The following ATRNL1 variants were observed in gnomAD, a reference collection of about 807,000 sequenced individuals.
ATRNL1 encodes attractin-like protein 1.
ATRNL1 carries 95 observed loss-of-function variants against 182.7 expected under a neutral mutation model. That is an observed-to-expected ratio of 0.52 (90% CI 0.44 to 0.62). The LOEUF (loss-of-function observed/expected upper bound fraction) is 0.62, where lower values mean the gene tolerates loss of function less well. ATRNL1 is among the 20% of genes least tolerant of loss of function. The probability of loss-of-function intolerance (pLI) is 0.00; values close to 1 mark genes in which losing one functional copy is unlikely to be tolerated. For synonymous variants in ATRNL1, 576 were observed against 568.3 expected (o/e 1.01, Z -0.19); for missense variants, 1,471 against 1,679.5 (o/e 0.88, Z 2.17).
At chr10:115,170,592 C>T (rs934659423) in intron 7 of ATRNL1, among the ~76,000 whole-genome samples, 1 of 149,754 alleles carries the variant, frequency 6.7e-6, no homozygotes, top group Admixed American at 6.6e-5. Context: ...ATATTGAAGA[C>T]TATGAGTAAT....
chr10:115,731,807 GC>G (rs1389947726), intron 27 of ATRNL1, among the ~76,000 whole-genome samples: 1 of 143,932 alleles, frequency 6.9e-6, no homozygotes, highest in Non-Finnish European at 1.5e-5. Context: ...TTTTTCTTCA[GC>G]CCCTGCCCCC....
chr10:115,470,146 T>A (rs1554971828), intron 24 of ATRNL1, among the ~76,000 whole-genome samples: 1 of 150,416 alleles, frequency 6.6e-6, no homozygotes, highest in Admixed American at 6.6e-5. Flanking sequence ...ACTAGAAATG[T>A]TTGCAGGTTT....
chr10:115,866,363 T>C (rs1216033552), intron 28 of ATRNL1, among the ~76,000 whole-genome samples: 2 of 152,204 alleles, frequency 1.3e-5, no homozygotes, highest in Admixed American at 6.5e-5. Flanking sequence ...GTCCAAAAGA[T>C]ACACAGAAAC....
chr10:115,519,866 G>A (rs1299100030), intron 25 of ATRNL1, among the ~76,000 whole-genome samples: 2 of 152,156 alleles, frequency 1.3e-5, no homozygotes, highest in Non-Finnish European at 2.9e-5. Context: ...TTCTACAAGA[G>A]AGGTTATAGT....
chr10:115,299,955 T>C lies in ATRNL1; in HGVS notation c.2416-79T>C, dbSNP rs1194567270. On this transcript the variant is annotated intron_variant, in intron 15 of 28. Transcript: ENST00000355044. The stretch of plus-strand genomic sequence containing the variant: ...TATTTTCAAATATAATTTTTAATGA[T>C]AGTGAACTATTTGCTAAGGAATATG... 5 of 981,172 alleles carry C rather than the reference T, an allele frequency of 5.1e-6. No homozygotes were observed. The African/African-American group carries it at 8.1e-5, about 16-fold the overall frequency. The allele number at this position is 981,172 out of a possible 1,614,324, so 60.8% of individuals were successfully genotyped here. A position where few individuals can be genotyped will look rare whatever the true frequency, so the allele number is the denominator to read the frequency against.
intron 8 of ATRNL1, among the ~76,000 whole-genome samples, chr10:115,197,820 G>T (rs994636798): frequency 2.0e-5 from 3 of 152,080 alleles, no homozygotes; most frequent in Non-Finnish European, 4.4e-5. Flanking sequence ...AAGTGAGCCC[G>T]CACGTAAGTG....
intron 8 of ATRNL1, among the ~76,000 whole-genome samples, chr10:115,188,456 G>A (rs1360690216): frequency 6.6e-6 from 1 of 152,056 alleles, no homozygotes; most frequent in African/African-American, 2.4e-5. Flanking sequence ...GCTCTTCTGG[G>A]TTAGTCCTGT....
At chr10:115,602,455 T>A (rs1215547843) in intron 26 of ATRNL1, among the ~76,000 whole-genome samples, 1 of 150,032 alleles carries the variant, frequency 6.7e-6, no homozygotes, top group African/African-American at 2.5e-5. Flanking sequence ...AAAAACTCTC[T>A]GGACACCAAC....
At chr10:115,818,152 GTCCAAGCTAAAGTCCAGGGTTTATTTGAT>G (rs1555089149) in intron 27 of ATRNL1, among the ~76,000 whole-genome samples, 1 of 149,300 alleles carries the variant, frequency 6.7e-6, no homozygotes, top group African/African-American at 2.5e-5. Flanking sequence ...ATTTTCTTAA[GTCCAAGCTAAAGTCCAGGGTTTATTTGAT>G]TCCGTTTTTT....
chr10:115,784,911 A>C (rs1263772262), intron 27 of ATRNL1, among the ~76,000 whole-genome samples: 1 of 152,182 alleles, frequency 6.6e-6, no homozygotes, highest in Non-Finnish European at 1.5e-5. Flanking sequence ...GACACTATTC[A>C]ACCCAGTACA....
chr10:115,517,823 A>G (rs899877317), intron 24 of ATRNL1, among the ~76,000 whole-genome samples: 8 of 151,844 alleles, frequency 5.3e-5, no homozygotes, highest in African/African-American at 1.9e-4. Flanking sequence ...ATATTCTTTG[A>G]TAAGCTTCCT....
chr10:115,203,200 A>G (rs1201379977), intron 8 of ATRNL1, among the ~76,000 whole-genome samples: 1 of 152,168 alleles, frequency 6.6e-6, no homozygotes, highest in Non-Finnish European at 1.5e-5. Context: ...TTCTTTTATT[A>G]TGGCCATCTA....
At chr10:115,825,561 T>G (rs1303686118) in intron 27 of ATRNL1, among the ~76,000 whole-genome samples, 1 of 152,120 alleles carries the variant, frequency 6.6e-6, no homozygotes, top group Non-Finnish European at 1.5e-5. Flanking sequence ...TAAAATATGC[T>G]TAAAGTTACA....
intron 16 of ATRNL1, among the ~76,000 whole-genome samples, chr10:115,300,786 C>G (rs528900387): frequency 2.0e-5 from 3 of 152,214 alleles, no homozygotes; most frequent in African/African-American, 7.2e-5. Flanking sequence ...AATTCAATGG[C>G]ATTAAATACT....
At chr10:115,240,950 G>A (rs1305722611) in intron 9 of ATRNL1, among the ~76,000 whole-genome samples, 1 of 151,914 alleles carries the variant, frequency 6.6e-6, no homozygotes, top group Non-Finnish European at 1.5e-5. Context: ...ATCAATGAGT[G>A]CAATCTATAG....
chr10:115,693,447 AGCTTCAGTACCTTTT>A (rs775878419), intron 26 of ATRNL1, among the ~76,000 whole-genome samples: 8 of 152,116 alleles, frequency 5.3e-5, no homozygotes, highest in Admixed American at 4.6e-4. Flanking sequence ...GCTTTTTGTT[AGCTTCAGTACCTTTT>A]GTCCAAACCA....
chr10:115,707,216 T>C (rs1946927408), intron 26 of ATRNL1, among the ~76,000 whole-genome samples: 1 of 151,808 alleles, frequency 6.6e-6, no homozygotes, highest in Non-Finnish European at 1.5e-5. Context: ...ATTGCACTCT[T>C]ATCGTATCAG....
chr10:115,659,527 G>A (rs1555037107), intron 26 of ATRNL1, among the ~76,000 whole-genome samples: 1 of 151,952 alleles, frequency 6.6e-6, no homozygotes, highest in Admixed American at 6.6e-5. Context: ...TAGTTAGGCA[G>A]TTGTATGCTA....
At chr10:115,838,115 T>C (rs1950721309) in intron 27 of ATRNL1, among the ~76,000 whole-genome samples, 2 of 152,190 alleles carry the variant, frequency 1.3e-5, no homozygotes, top group African/African-American at 4.8e-5. Flanking sequence ...AAAAGTTCAA[T>C]AATTTATTCA....
Sources: allele counts gnomAD v4.1 joint callset (sites outside exome capture counted in the v4.1 genomes callset), GRCh38; gene constraint gnomAD v4.1.1; transcripts MANE v1.5; gene names NCBI Gene and HGNC (gene_info 2026-07-23, HGNC 2026-07-21).